Variants in CCSER1 observed in about 807,000 individuals in gnomAD.
CCSER1 encodes serine-rich coiled-coil domain-containing protein 1.
Under a neutral mutation model 82.0 loss-of-function variants are expected in CCSER1, and 41 were observed. The observed-to-expected ratio is 0.50, with a 90% CI of 0.39 to 0.65. The LOEUF (loss-of-function observed/expected upper bound fraction) is 0.65. Among genes scored for constraint, CCSER1 ranks in the 30% least tolerant of loss-of-function variants. The pLI, the probability that CCSER1 is intolerant of heterozygous loss-of-function variation, is 0.00. For missense variants in CCSER1, 1,119 were observed against 1,064.2 expected (o/e 1.05, Z -0.72); for synonymous variants, 414 against 383.9 (o/e 1.08, Z -0.92).
chr4:90,352,560 G>A (rs1042953947), intron 3 of CCSER1, among the ~76,000 whole-genome samples: 5 of 151,854 alleles, frequency 3.3e-5, no homozygotes, highest in Admixed American at 3.3e-4. Flanking sequence ...TACTTGGGAG[G>A]TTGAGGCAGG....
intron 5 of CCSER1, among the ~76,000 whole-genome samples, chr4:90,486,860 A>G (rs1274100168): frequency 6.6e-6 from 1 of 152,202 alleles, no homozygotes; most frequent in African/African-American, 2.4e-5. Flanking sequence ...AGCCAGTCCA[A>G]CTTTTAGCTA....
chr4:90,244,037 T>C (rs1720947642), intron 1 of CCSER1, among the ~76,000 whole-genome samples: 1 of 152,192 alleles, frequency 6.6e-6, no homozygotes, highest in Admixed American at 6.5e-5. Context: ...TTTTCTGTTA[T>C]CTCATTATAC....
At chr4:90,460,324 CAAAA>C (rs751331396) in intron 4 of CCSER1, among the ~76,000 whole-genome samples, 768 of 32,638 alleles carry the variant, frequency 0.024, 45 homozygotes, top group African/African-American at 0.1. Context: ...AACTCCGTCT[CAAAA>C]AAAAAAAAAA....
intron 10 of CCSER1, among the ~76,000 whole-genome samples, chr4:91,254,158 A>C (rs1740491545): frequency 6.6e-6 from 1 of 152,210 alleles, no homozygotes; most frequent in Non-Finnish European, 1.5e-5. Flanking sequence ...TAGAACAACC[A>C]AACAGAAGAT....
chr4:90,298,908 C>T (rs545050283), intron 1 of CCSER1, among the ~76,000 whole-genome samples: 4 of 152,084 alleles, frequency 2.6e-5, no homozygotes, highest in Non-Finnish European at 4.4e-5. Flanking sequence ...TTTACTTAAG[C>T]CTGGGTCATA....
chr4:90,307,786 G>GT (rs1307402055), intron 1 of CCSER1, among the ~76,000 whole-genome samples: 2 of 152,154 alleles, frequency 1.3e-5, no homozygotes, highest in African/African-American at 4.8e-5. Context: ...GTCGTGTGGT[G>GT]TAAAATGAAA....
chr4:91,402,058 C>T (rs1253471768), intron 10 of CCSER1, among the ~76,000 whole-genome samples: 3 of 151,544 alleles, frequency 2.0e-5, no homozygotes, highest in African/African-American at 7.3e-5. Flanking sequence ...CTCTCCAGCA[C>T]CTGTTTCCTG....
intron 3 of CCSER1, among the ~76,000 whole-genome samples, chr4:90,317,331 G>A (rs1736343330): frequency 6.6e-6 from 1 of 152,164 alleles, no homozygotes; most frequent in Non-Finnish European, 1.5e-5. Flanking sequence ...AAAAAATACC[G>A]CTGGGCGTGG....
At chr4:91,570,302 G>A (rs1030508082) in intron 10 of CCSER1, among the ~76,000 whole-genome samples, 3 of 147,374 alleles carry the variant, frequency 2.0e-5, no homozygotes, top group African/African-American at 7.8e-5. Context: ...TCTGGGGCCT[G>A]GAGGATGTGG....
At chr4:91,354,245 A>T (rs4473625) in intron 10 of CCSER1, among the ~76,000 whole-genome samples, 1 of 152,076 alleles carries the variant, frequency 6.6e-6, no homozygotes, top group African/African-American at 2.4e-5. Flanking sequence ...TTTTCAGGGG[A>T]CCATTTATCA....
chr4:91,203,733 C>T (rs1700967440), intron 10 of CCSER1, among the ~76,000 whole-genome samples: 1 of 151,650 alleles, frequency 6.6e-6, no homozygotes. Flanking sequence ...TGAGAAGAAA[C>T]CTGATGAAAA....
chr4:90,897,468 T>G (rs945984276), intron 8 of CCSER1, among the ~76,000 whole-genome samples: 3 of 152,072 alleles, frequency 2.0e-5, no homozygotes, highest in African/African-American at 7.2e-5. Context: ...AGAACATAAT[T>G]TCATTCTTCT....
intron 8 of CCSER1, among the ~76,000 whole-genome samples, chr4:90,880,171 G>A (rs1297981018): frequency 6.6e-6 from 1 of 152,142 alleles, no homozygotes; most frequent in Non-Finnish European, 1.5e-5. Context: ...AGTGCTGGCT[G>A]TAGAAGGTGG....
intron 1 of CCSER1, among the ~76,000 whole-genome samples, chr4:90,173,646 A>G (rs903222031): frequency 3.3e-5 from 5 of 151,970 alleles, no homozygotes; most frequent in African/African-American, 9.7e-5. Context: ...GAATCCTGTA[A>G]TGAAATCAAA....
intron 9 of CCSER1, among the ~76,000 whole-genome samples, chr4:90,975,836 A>C (rs1581244188): frequency 6.6e-6 from 1 of 151,208 alleles, no homozygotes; most frequent in South Asian, 2.1e-4. Context: ...CATTTTTTCT[A>C]ATACAAAATA....
intron 9 of CCSER1, among the ~76,000 whole-genome samples, chr4:91,079,422 A>C (rs2148794915): frequency 6.6e-6 from 1 of 152,328 alleles, no homozygotes; most frequent in South Asian, 2.1e-4. Context: ...CTCTGGAAGG[A>C]AGTACTAAAC....
intron 10 of CCSER1, among the ~76,000 whole-genome samples, chr4:91,434,986 T>G (rs904204868): frequency 2.6e-5 from 4 of 152,222 alleles, no homozygotes; most frequent in African/African-American, 9.6e-5. Context: ...CTGTTGTTGT[T>G]GTTGTTGTTT....
intron 6 of CCSER1, among the ~76,000 whole-genome samples, chr4:90,705,266 C>T (rs1164577457): frequency 1.3e-5 from 2 of 152,222 alleles, no homozygotes; most frequent in Non-Finnish European, 2.9e-5. Context: ...TGGGTATCAG[C>T]AACAGAGGCT....
At chr4:91,328,725 C>T (rs1331092216) in intron 10 of CCSER1, among the ~76,000 whole-genome samples, 1 of 152,152 alleles carries the variant, frequency 6.6e-6, no homozygotes, top group Non-Finnish European at 1.5e-5. Flanking sequence ...AATGTAGACA[C>T]AATGCATATT....
Sources: allele counts gnomAD v4.1 joint callset (sites outside exome capture counted in the v4.1 genomes callset), GRCh38; gene constraint gnomAD v4.1.1; transcripts MANE v1.5; gene names NCBI Gene and HGNC (gene_info 2026-07-23, HGNC 2026-07-21).